DAPK1: variants seen among roughly 807,000 people sequenced by gnomAD.
The protein encoded by DAPK1 is death associated protein kinase 1, also known as death-associated protein kinase 1.
DAPK1 carries 56 observed loss-of-function variants against 144.9 expected under a neutral mutation model. The ratio of observed to expected loss-of-function variants is 0.39; its 90% CI spans 0.31 to 0.48. DAPK1 has a LOEUF of 0.48. Ranked by LOEUF, DAPK1 falls within the 20% of genes least tolerant of loss-of-function variation. The pLI is 0.95. For synonymous variants in DAPK1, 690 were observed against 749.0 expected, an observed-to-expected ratio of 0.92 and a Z score of 1.29; for missense variants, 1,454 against 1,875.4, an observed-to-expected ratio of 0.78 and a Z score of 4.15.
At position 87,707,116 on chromosome 9, in the gene DAPK1, G is replaced by A; in HGVS notation, c.4045G>A (p.Ala1349Thr). The stretch of plus-strand genomic sequence containing the variant: ...GGCAAAGTACAACACCAGTAACGGG[G>A]CTCCCAAGGATTTCCTCCCCAGCCC... The part of the protein sequence containing the change: ...LVAKYNTSNG[A>T]PKDFLPSPLH... Residue 1349 changes from alanine to threonine, a missense_variant, in exon 26 of 26, where the codon GCT (alanine) becomes ACT (threonine). Around this residue, in one of 2 missense-constraint regions of DAPK1, gnomAD observed 1,025 missense variants for 1,237.9 expected, o/e 0.83. Transcript: ENST00000408954. The surrounding 1 kb of genome is among the most constrained non-coding windows in gnomAD (Gnocchi z 4.0). The A allele has an allele frequency of 1.9e-6, 3 of 1,613,978 alleles. No individual in the cohort carries two copies. Among genetic ancestry groups the A allele is most frequent in the Non-Finnish European group, 2.5e-6 (3 of 1,179,918 alleles).
At chr9:87,625,294 G>A (rs980540695) in intron 3 of DAPK1, among the ~76,000 whole-genome samples, 3 of 152,218 alleles carry the variant, frequency 2.0e-5, no homozygotes, top group Non-Finnish European at 4.4e-5. Flanking sequence ...GGCCATACAG[G>A]CAGATGCTGT....
chr9:87,651,393 A>T, intron 16 of DAPK1, 134 bp from the exon 17 acceptor site: 2 of 823,660 alleles, frequency 2.4e-6, no homozygotes, highest in Non-Finnish European at 4.0e-6. Context: ...TTCTTCATTT[A>T]AATCCTCCAC....
chr9:87,695,349 G>A (rs534357918), intron 21 of DAPK1, among the ~76,000 whole-genome samples: 2 of 152,316 alleles, frequency 1.3e-5, no homozygotes, highest in Admixed American at 1.3e-4. Flanking sequence ...AGGGGTAAAC[G>A]AGGTGAAGGG....
chr9:87,658,010 C>T lies in DAPK1; in HGVS notation c.1825-19C>T. The T allele has an allele frequency of 9.8e-7, 1 of 1,024,254 alleles. No individual in the cohort carries two copies. Among genetic ancestry groups the T allele is most frequent in the Non-Finnish European group, 1.5e-6 (1 of 647,580 alleles). The allele number at this position is 1,024,254 out of a possible 1,614,324, so 63.4% of individuals were successfully genotyped here. On this transcript the variant is annotated intron_variant, in intron 17 of 25. Coordinates refer to ENST00000408954, the MANE Select transcript of DAPK1 (RefSeq NM_004938.4). ...CTGCGTGAGAAGAACGACCTTTGGC[C>T]TTTTTTCTCTCTTCCCAGTATGGGC...
chr9:87,698,724 G>T lies in DAPK1; in HGVS notation c.2680G>T (p.Val894Phe). ...LVATHADIMN[V>F]PRPAGGEFGY... ...GGCCACCCACGCTGACATCATGAAT[G>T]TTCCTCGACCGGCTGGAGGCGAGTT... Residue 894 changes from valine to phenylalanine, a missense_variant, in exon 23 of 26, where the codon GTT becomes TTT. Coordinates refer to ENST00000408954, the MANE Select transcript of DAPK1 (RefSeq NM_004938.4). 3 of 1,600,582 alleles carry T rather than the reference G, an allele frequency of 1.9e-6. No homozygotes were observed. Among genetic ancestry groups the T allele is most frequent in the Non-Finnish European group, 2.6e-6 (3 of 1,167,636 alleles).
intron 18 of DAPK1, 47 bp downstream of exon 18, chr9:87,658,174 C>T: frequency 1.3e-6 from 1 of 765,840 alleles, no homozygotes; most frequent in Non-Finnish European, 2.3e-6. Flanking sequence ...CTGGGAGCCT[C>T]TGGCGCCTCC....
Position 87,706,849 on chromosome 9 carries a change from G to T in DAPK1, c.3778G>T (p.Ala1260Ser). The change falls in exon 26 of 26, where the codon GCA (alanine) becomes TCA (serine). Residue 1260 changes from alanine (A) to serine (S), a missense_variant. By Grantham distance (99) the Ala-to-Ser change is moderately conservative. Transcript: ENST00000408954. This position sits in a 1 kb window ranked among gnomAD's most constrained non-coding sequence, Gnocchi z 9.0. Reference sequence around the variant, plus strand: ...CTACCAGCCACGGGACTTCTTCCGGGCACAGACTCTGAAGGAAACCTCACT... The same window carrying T: ...CTACCAGCCACGGGACTTCTTCCGGTCACAGACTCTGAAGGAAACCTCACT... ...MIYQPRDFFR[A>S]QTLKETSLTN... 1 of 1,613,914 alleles carries T rather than the reference G, an allele frequency of 6.2e-7. No individual in the cohort carries two copies.
intron 24 of DAPK1, among the ~76,000 whole-genome samples, chr9:87,701,429 T>C (rs931251601): frequency 3.3e-5 from 5 of 152,168 alleles, no homozygotes; most frequent in Admixed American, 2.0e-4. Flanking sequence ...TAAAAGAAAA[T>C]ATACCTGTTT....
chr9:87,534,599 G>A (rs1218679075), intron 2 of DAPK1, among the ~76,000 whole-genome samples: 3 of 151,446 alleles, frequency 2.0e-5, no homozygotes, highest in African/African-American at 7.3e-5. Flanking sequence ...ATGCTTTCCT[G>A]TTAGATACCC....
rs1057499889 is a variant in DAPK1 at position 87,585,461 on chromosome 9, A to C, written c.63-19493A>C. Among the ~76,000 whole-genome samples, 24 of 152,200 alleles carry C rather than the reference A, an allele frequency of 1.6e-4. 1 individual carries two copies. Among genetic ancestry groups the C allele is most frequent in the Non-Finnish European group, 4.4e-5 (3 of 68,030 alleles). The stretch of plus-strand genomic sequence containing the variant: ...ACAGCAGAATATGTTTAAAAAGAAA[A>C]CTATCTTAGTGCACACAAATTACGA... On this transcript the variant is annotated intron_variant, in intron 2 of 25. Coordinates refer to ENST00000408954, the MANE Select transcript of DAPK1 (RefSeq NM_004938.4).
At chr9:87,680,622 A>C (rs932632200) in intron 19 of DAPK1, among the ~76,000 whole-genome samples, 6 of 149,420 alleles carry the variant, frequency 4.0e-5, no homozygotes, top group Admixed American at 3.4e-4. Flanking sequence ...TAAATTTCTA[A>C]ATAAAGTGTG....
chr9:87,686,654 G>A lies in DAPK1; in HGVS notation c.2328G>A (p.Val776=). 1 of 1,612,712 alleles carries A rather than the reference G, an allele frequency of 6.2e-7. No individual in the cohort carries two copies. Among genetic ancestry groups the A allele is most frequent in the Non-Finnish European group, 8.5e-7 (1 of 1,178,876 alleles). ...GTCTTACCAAAGGGATGCTGGAGGT[G>A]TTTGTGGCCCCGACCCACCACCCGC... ...EPGLTKGMLE[V]FVAPTHHPHC... is the part of the protein sequence containing the mutation. The change falls in exon 21 of 26, where the codon GTG becomes GTA. Residue 776 remains valine (V), a synonymous_variant. Coordinates refer to ENST00000408954, the MANE Select transcript of DAPK1 (RefSeq NM_004938.4). This position sits in a 1 kb window ranked among gnomAD's most constrained non-coding sequence, Gnocchi z 4.2.
intron 2 of DAPK1, among the ~76,000 whole-genome samples, chr9:87,511,857 C>T (rs1185141690): frequency 6.6e-6 from 1 of 151,904 alleles, no homozygotes; most frequent in Non-Finnish European, 1.5e-5. Flanking sequence ...ATTACAGGAG[C>T]CTGCCACTAC....
chr9:87,533,120 G>A (rs1025655098), intron 2 of DAPK1, among the ~76,000 whole-genome samples: 13 of 152,170 alleles, frequency 8.5e-5, no homozygotes, highest in African/African-American at 2.9e-4. Flanking sequence ...GTGTGCCTGT[G>A]TATGCACACA....
intron 2 of DAPK1, among the ~76,000 whole-genome samples, chr9:87,588,423 CCTTTTTAT>C (rs1463774383): frequency 6.6e-6 from 1 of 152,144 alleles, no homozygotes; most frequent in Non-Finnish European, 1.5e-5. Flanking sequence ...CATAATCATA[CCTTTTTAT>C]CTCTTTTGAG....
At chr9:87,548,026 A>G (rs1826324343) in intron 2 of DAPK1, among the ~76,000 whole-genome samples, 2 of 152,220 alleles carry the variant, frequency 1.3e-5, no homozygotes, top group Admixed American at 6.5e-5. Context: ...TTCATTCGGC[A>G]TGTACAGGGC....
intron 2 of DAPK1, among the ~76,000 whole-genome samples, chr9:87,511,863 A>G (rs558581304): frequency 2.0e-5 from 3 of 151,926 alleles, no homozygotes; most frequent in Non-Finnish European, 4.4e-5. Context: ...GGAGCCTGCC[A>G]CTACACCCAG....
In DAPK1 at chr9:87,708,447, G is replaced by A. The variant is rs1338683251; in HGVS notation, c.*1083G>A. On this transcript the variant is annotated 3_prime_UTR_variant, in exon 26 of 26. Transcript: ENST00000408954. The stretch of plus-strand genomic sequence containing the variant: ...TGATCGAGTTTTAAATTGATAGGAG[G>A]GAACATGTCCTAATTCTTCTGTCCT... The A allele has an allele frequency of 6.6e-6, 1 of 152,646 alleles. No homozygotes were observed. The highest frequency in any genetic ancestry group is 2.4e-5 in the African/African-American group (1 of 41,322). The allele number at this position is 152,646 out of a possible 1,614,324, so 9.5% of individuals were successfully genotyped here.
rs573989705 is a variant in DAPK1, at chr9:87,661,144, C to T, written c.1923+3017C>T. On this transcript the variant is annotated intron_variant, in intron 18 of 25. Coordinates refer to ENST00000408954, the MANE Select transcript of DAPK1 (RefSeq NM_004938.4). ...TGAGCCACCACGCCCAGGCTGATTT[C>T]CTTTTCTTAATGGCCAAGTAGTATT... Among the ~76,000 whole-genome samples the T allele has an allele frequency of 7.2e-5, 11 of 152,310 alleles. No homozygotes were observed. The South Asian group carries it at 2.1e-3, about 29-fold the overall frequency.
Sources: gnomAD v4.1 joint callset for allele counts (sites outside exome capture counted in the v4.1 genomes callset) on GRCh38, gnomAD v4.1.1 for gene constraint, gnomAD v4.1.1 regional missense constraint, Gnocchi (gnomAD v3.1) non-coding constraint, MANE v1.5 for transcripts, NCBI Gene and HGNC (gene_info 2026-07-23, HGNC 2026-07-21) for gene names.